The following CHST8 variants were observed in gnomAD, a reference collection of about 807,000 sequenced individuals.
The protein encoded by CHST8 is carbohydrate sulfotransferase 8.
A neutral mutation model predicts 15.0 loss-of-function variants in CHST8; 10 were observed. The ratio of observed to expected loss-of-function variants is 0.67; its 90% confidence interval spans 0.41 to 1.13. The LOEUF is 1.13. CHST8 is among the 50% of genes most tolerant of loss of function. CHST8 has a pLI of 0.00. For synonymous variants in CHST8, 259 were observed against 256.6 expected (o/e 1.01, Z -0.09); for missense variants, 634 against 608.2 (o/e 1.04, Z -0.45).
chr19:33,760,290 C>CCTT (rs1295860792), intron 3 of CHST8, among the ~76,000 whole-genome samples: 20 of 1,082 alleles, frequency 0.018, no homozygotes, highest in African/African-American at 0.029. Context: ...CTCCTTCCTT[C>CCTT]CCTCCCTTCC....
intron 1 of CHST8, among the ~76,000 whole-genome samples, chr19:33,630,139 A>G (rs1232103630): frequency 6.6e-6 from 1 of 152,222 alleles, no homozygotes; most frequent in Non-Finnish European, 1.5e-5. Flanking sequence ...CTTGAGCTGC[A>G]GGAGCTTTGC....
chr19:33,765,561 G>GTGTGTGTGTC lies in CHST8; in HGVS notation c.131-5852_131-5851insTGTGTGTGTC, dbSNP rs1280901510. ...TGTGTGTGTGTGTGTGTGTCAGAGAGAGAGAGAGAGAGAGAGAGAGAGACG... is the reference window on the plus strand; with the variant it reads ...TGTGTGTGTGTGTGTGTGTCAGAGAGTGTGTGTGTCAGAGAGAGAGAGAGAGAGAGAGACG... On this transcript the variant is annotated intron_variant, in intron 3 of 4. Coordinates refer to ENST00000650847, the MANE Select transcript of CHST8 (RefSeq NM_001127895.2). Among the ~76,000 whole-genome samples, 542 of 137,968 alleles carry GTGTGTGTGTC rather than the reference G, an allele frequency of 3.9e-3. 4 individuals carry two copies. Among genetic ancestry groups the GTGTGTGTGTC allele is most frequent in the South Asian group, 8.2e-3 (34 of 4,132 alleles). The allele number at this position is 137,968 out of a possible 152,430, so 90.5% of individuals were successfully genotyped here. A position where few individuals can be genotyped will look rare whatever the true frequency, so the allele number is the denominator to read the frequency against.
chr19:33,649,367 A>G (rs1242181205), intron 1 of CHST8, among the ~76,000 whole-genome samples: 1 of 152,102 alleles, frequency 6.6e-6, no homozygotes, highest in Non-Finnish European at 1.5e-5. Context: ...AGCTGAAAAA[A>G]CACATGATTT....
chr19:33,742,259 A>G (rs1043779142), intron 3 of CHST8, among the ~76,000 whole-genome samples: 3 of 152,148 alleles, frequency 2.0e-5, no homozygotes, highest in Non-Finnish European at 4.4e-5. Context: ...TGGGTGTATT[A>G]GTTTGCATTG....
At chr19:33,748,944 G>A (rs1233166392) in intron 3 of CHST8, among the ~76,000 whole-genome samples, 1 of 152,170 alleles carries the variant, frequency 6.6e-6, no homozygotes, top group Non-Finnish European at 1.5e-5. Flanking sequence ...GAGCCTCAAG[G>A]AGTGAGGCTG....
chr19:33,769,005 A>G (rs1974911698), intron 3 of CHST8, among the ~76,000 whole-genome samples: 1 of 152,222 alleles, frequency 6.6e-6, no homozygotes, highest in African/African-American at 2.4e-5. Flanking sequence ...GTCTAGAAGG[A>G]ACTTTTCCTC....
intron 1 of CHST8, among the ~76,000 whole-genome samples, chr19:33,642,764 A>C (rs564720192): frequency 3.9e-5 from 6 of 152,352 alleles, no homozygotes; most frequent in African/African-American, 1.2e-4. Flanking sequence ...GTTGGCATAC[A>C]TTGTCCCAGA....
intron 1 of CHST8, among the ~76,000 whole-genome samples, chr19:33,626,770 C>T (rs116406186): frequency 0.035 from 5,176 of 148,170 alleles, 307 homozygotes; most frequent in African/African-American, 0.12. Flanking sequence ...CCAAATAAGC[C>T]GCTTTTTTTT....
At chr19:33,623,771 G>A (rs1444365670) in intron 1 of CHST8, among the ~76,000 whole-genome samples, 1 of 152,160 alleles carries the variant, frequency 6.6e-6, no homozygotes, top group East Asian at 1.9e-4. Context: ...AGGCAGACAG[G>A]CCACAGGAAG....
chr19:33,694,260 A>T (rs774419415), intron 3 of CHST8, among the ~76,000 whole-genome samples: 45 of 138,024 alleles, frequency 3.3e-4, no homozygotes, highest in Admixed American at 9.6e-4. Context: ...CACTGTAAAT[A>T]GTTCGTTCTT....
intron 1 of CHST8, among the ~76,000 whole-genome samples, chr19:33,643,694 C>T (rs1293351858): frequency 6.6e-6 from 1 of 152,156 alleles, no homozygotes; most frequent in Non-Finnish European, 1.5e-5. Context: ...CCAGCACCCA[C>T]GATTTTAATT....
chr19:33,629,471 C>T (rs1357017691), intron 1 of CHST8, among the ~76,000 whole-genome samples: 4 of 152,280 alleles, frequency 2.6e-5, no homozygotes, highest in African/African-American at 4.8e-5. Flanking sequence ...CTGGGAGCTC[C>T]GCAGTGCCCT....
In CHST8 at chr19:33,634,560, C is replaced by T. The variant is rs557616539; in HGVS notation, c.-164+12264C>T. Among the ~76,000 whole-genome samples the T allele has an allele frequency of 2.3e-4, 34 of 150,922 alleles. No homozygotes were observed. The East Asian group carries it at 5.9e-3, about 26-fold the overall frequency. On this transcript the variant is annotated intron_variant, in intron 1 of 4. Transcript: ENST00000650847. ...GAACTGGCCACCTGCCCCAGAATCA[C>T]GTGGGTTGCTGGTCAGAGATGCAGG...
Position 33,772,407 on chromosome 19 carries a change from C to T in CHST8, c.619C>T (p.Arg207Trp), listed in dbSNP as rs1189161581. Residue 207 changes from arginine (R) to tryptophan (W), a missense_variant, in exon 5 of 5, where the codon CGG becomes TGG. Transcript: ENST00000650847. ...VPKAGCSNWKRVLMVLAGLAS... is the reference protein window; with the variant it reads ...VPKAGCSNWKWVLMVLAGLAS... Reference sequence around the variant, plus strand: ...CAAGGCCGGCTGCTCCAATTGGAAGCGGGTGCTCATGGTGCTGGCCGGCCT... The same window carrying T: ...CAAGGCCGGCTGCTCCAATTGGAAGTGGGTGCTCATGGTGCTGGCCGGCCT... The T allele has an allele frequency of 1.2e-6, 2 of 1,609,994 alleles. No homozygotes were observed. The highest frequency in any genetic ancestry group is 3.3e-4 in the Middle Eastern group (2 of 6,060).
In CHST8 at chr19:33,622,224, G is replaced by A. The variant is rs1178380614; in HGVS notation, c.-236G>A. Reference sequence around the variant, plus strand: ...CCTCTCCGCCGCCTGCGCGCCCCAAGCAGAGGATCCGCCGCGGAGAACCGC... The same window carrying A: ...CCTCTCCGCCGCCTGCGCGCCCCAAACAGAGGATCCGCCGCGGAGAACCGC... On this transcript the variant is annotated 5_prime_UTR_variant, in exon 1 of 5. Transcript: ENST00000650847. The A allele has an allele frequency of 6.6e-6, 1 of 152,020 alleles. No individual in the cohort carries two copies. Among genetic ancestry groups the A allele is most frequent in the East Asian group, 2.0e-4 (1 of 5,116 alleles). The allele number at this position is 152,020 out of a possible 1,614,324, so 9.4% of individuals were successfully genotyped here.
intron 3 of CHST8, 119 bp from the exon 4 acceptor site, chr19:33,771,294 T>C: frequency 1.0e-6 from 1 of 1,003,198 alleles, no homozygotes; most frequent in South Asian, 1.3e-5. Context: ...TGCCTTTCCC[T>C]AGAGCCTACC....
chr19:33,723,962 G>C (rs73926595), intron 3 of CHST8, among the ~76,000 whole-genome samples: 1 of 152,186 alleles, frequency 6.6e-6, no homozygotes, highest in African/African-American at 2.4e-5. Flanking sequence ...GTAGCTTCCC[G>C]TGGCGAAGGG....
At chr19:33,668,220 G>A (rs1177279782) in intron 2 of CHST8, among the ~76,000 whole-genome samples, 1 of 152,214 alleles carries the variant, frequency 6.6e-6, no homozygotes, top group Non-Finnish European at 1.5e-5. Flanking sequence ...TGGCGTGGAA[G>A]GGAATTAACT....
intron 1 of CHST8, among the ~76,000 whole-genome samples, chr19:33,650,270 C>T (rs896032182): frequency 1.3e-5 from 2 of 152,060 alleles, no homozygotes; most frequent in Admixed American, 6.5e-5. Context: ...CTGGGTTCCT[C>T]TTGGCCAAGA....
Sources: allele counts gnomAD v4.1 joint callset (sites outside exome capture counted in the v4.1 genomes callset), GRCh38; gene constraint gnomAD v4.1.1; transcripts MANE v1.5; gene names NCBI Gene and HGNC (gene_info 2026-07-23, HGNC 2026-07-21).